Variants in DCHS2 observed in about 807,000 individuals in gnomAD.
DCHS2 encodes the protein protocadherin-23.
A neutral mutation model predicts 182.4 loss-of-function variants in DCHS2; 142 were observed. That is an observed-to-expected ratio of 0.78 (90% CI 0.68 to 0.89). The LOEUF is 0.89. Among genes scored for constraint, DCHS2 ranks in the 40% least tolerant of loss-of-function variants. The pLI, the probability that DCHS2 is intolerant of heterozygous loss-of-function variation, is 0.00. For missense variants in DCHS2, 4,319 were observed against 4,198.6 expected, an observed-to-expected ratio of 1.03 and a Z score of -0.79; for synonymous variants, 1,740 against 1,663.3, an observed-to-expected ratio of 1.05 and a Z score of -1.12.
intron 14 of DCHS2, among the ~76,000 whole-genome samples, chr4:154,266,706 C>G (rs1042528292): frequency 6.6e-6 from 1 of 150,960 alleles, no homozygotes; most frequent in African/African-American, 2.4e-5. Flanking sequence ...AGTGTTGGTA[C>G]AGAGGTTATA....
Position 154,320,492 on chromosome 4 carries a change from G to A in DCHS2, c.4907C>T (p.Ser1636Phe). Residue 1636 changes from serine to phenylalanine, a missense_variant, in exon 9 of 20, where the codon TCC becomes TTC. By Grantham distance (155) the Ser-to-Phe change is radical. Transcript: ENST00000357232. Reference protein sequence around the residue: ...AHVKEDVTVGSLVHHITAHDP... With the variant: ...AHVKEDVTVGFLVHHITAHDP... ...GTGAGCAGTTATGTGGTGGACCAAG[G>A]AGCCCACTGTGACATCCTCTTTGAC... is the stretch of plus-strand genomic sequence containing the variant. 1 of 1,614,084 alleles carries A rather than the reference G, an allele frequency of 6.2e-7. No homozygotes were observed. Among genetic ancestry groups the A allele is most frequent in the Non-Finnish European group, 8.5e-7 (1 of 1,180,000 alleles).
intron 1 of DCHS2, among the ~76,000 whole-genome samples, chr4:154,411,997 A>G (rs759252607): frequency 2.0e-5 from 3 of 152,216 alleles, no homozygotes; most frequent in Admixed American, 1.3e-4. Flanking sequence ...GTTTACTTTC[A>G]GAGGAATAGA....
At chr4:154,300,769 C>T (rs943134566) in intron 12 of DCHS2, among the ~76,000 whole-genome samples, 4 of 151,820 alleles carry the variant, frequency 2.6e-5, no homozygotes, top group South Asian at 2.1e-4. Context: ...AATCTACTTG[C>T]GCAACAAGGG....
rs370530248 is a variant in DCHS2 at position 154,334,785 on chromosome 4, T to C, written c.2713+83A>G. 3.5e-6 allele frequency: 4 copies of C among 1,127,038 alleles called. No homozygotes were observed. In the East Asian group the frequency reaches 7.1e-5, roughly 20 times the overall value. 69.8% of individuals were successfully genotyped at this position (1,127,038 alleles called of 1,614,324 possible). Reference sequence around the variant, plus strand: ...GACTTGCGTGGAAAGAAGAAAAAAATTATTCAAGATTGTACCGCCTACAAA... The same window carrying C: ...GACTTGCGTGGAAAGAAGAAAAAAACTATTCAAGATTGTACCGCCTACAAA... On this transcript the variant is annotated intron_variant, in intron 4 of 19. Coordinates refer to ENST00000357232, the MANE Select transcript of DCHS2 (RefSeq NM_001358235.2).
chr4:154,384,497 C>CA (rs755271007), intron 1 of DCHS2: 2 of 1,561,234 alleles, frequency 1.3e-6, no homozygotes, highest in Non-Finnish European at 1.7e-6. Context: ...TGCTGGCCTC[C>CA]AAAAAACCTC....
At chr4:154,237,892 T>A (rs1731609913) in intron 19 of DCHS2, among the ~76,000 whole-genome samples, 1 of 152,206 alleles carries the variant, frequency 6.6e-6, no homozygotes, top group Non-Finnish European at 1.5e-5. Flanking sequence ...AATATTTGAA[T>A]CAATAGCTTA....
In DCHS2 at chr4:154,370,519, G is replaced by T. The variant is rs1579016540; in HGVS notation, c.2245-4078C>A. On this transcript the variant is annotated intron_variant, in intron 2 of 19. Transcript: ENST00000357232. The stretch of plus-strand genomic sequence containing the variant: ...GTATGCTTATGAGGGTCATCCAAAA[G>T]AGCTTGATAAATTAATGATGCAGGA... Among the ~76,000 whole-genome samples the T allele has an allele frequency of 2.0e-5, 3 of 152,220 alleles. No homozygotes were observed. In the East Asian group the frequency reaches 5.8e-4, roughly 29 times the overall value.
rs1731488457 is a variant in DCHS2, at chr4:154,236,180, GAGATCATGATCATAA to G, written c.8457_8471del (p.Tyr2820_Leu2824del). 1.9e-6 allele frequency: 3 copies of G among 1,613,774 alleles called. No homozygotes were observed. Among genetic ancestry groups the G allele is most frequent in the African/African-American group, 1.3e-5 (1 of 74,906 alleles). ...CCCCTGTCAAAGGGTCAATGAGGAAGAGATCATGATCATAAGACATTCCATGAGTGAGAAAACAGG... is the reference window on the plus strand; with the variant it reads ...CCCCTGTCAAAGGGTCAATGAGGAAGGACATTCCATGAGTGAGAAAACAGG... On this transcript the variant is annotated inframe_deletion, in exon 20 of 20. Coordinates refer to ENST00000357232, the MANE Select transcript of DCHS2 (RefSeq NM_001358235.2).
chr4:154,375,034 A>T (rs536531734), intron 2 of DCHS2, among the ~76,000 whole-genome samples: 2 of 152,156 alleles, frequency 1.3e-5, no homozygotes, highest in Non-Finnish European at 2.9e-5. Flanking sequence ...TGATACCATG[A>T]CCTATGATAA....
chr4:154,377,129 G>A, intron 2 of DCHS2, 124 bp downstream of exon 2: 2 of 901,416 alleles, frequency 2.2e-6, no homozygotes, highest in Non-Finnish European at 3.3e-6. Flanking sequence ...TTCAGCAAAG[G>A]AAAGAGGTAG....
chr4:154,359,319 T>C (rs1730011902), intron 3 of DCHS2, among the ~76,000 whole-genome samples: 1 of 152,016 alleles, frequency 6.6e-6, no homozygotes, highest in South Asian at 2.1e-4. Flanking sequence ...CTAAGTGAAC[T>C]TAAAGATATA....
At chr4:154,378,168 C>T (rs1293443269) in intron 1 of DCHS2, among the ~76,000 whole-genome samples, 3 of 152,072 alleles carry the variant, frequency 2.0e-5, no homozygotes, top group South Asian at 2.1e-4. Context: ...TTTTGCCATA[C>T]GTACCACTTA....
At chr4:154,272,749 G>A (rs1265447721) in intron 13 of DCHS2, among the ~76,000 whole-genome samples, 2 of 152,086 alleles carry the variant, frequency 1.3e-5, no homozygotes, top group Admixed American at 6.6e-5. Context: ...GTGTGAGAAC[G>A]GACTGATAAC....
chr4:154,326,056 A>G (rs550445118), intron 7 of DCHS2, among the ~76,000 whole-genome samples: 8 of 152,332 alleles, frequency 5.3e-5, no homozygotes, highest in South Asian at 2.1e-4. Context: ...CAATGCTTCA[A>G]TGAATATCCT....
chr4:154,290,120 A>C (rs1457910181), intron 13 of DCHS2, among the ~76,000 whole-genome samples: 1 of 152,158 alleles, frequency 6.6e-6, no homozygotes, highest in Non-Finnish European at 1.5e-5. Context: ...TCAACCTACA[A>C]AAATTCATGG....
At chr4:154,344,214 T>C (rs995367617) in intron 3 of DCHS2, among the ~76,000 whole-genome samples, 2 of 152,156 alleles carry the variant, frequency 1.3e-5, no homozygotes, top group African/African-American at 4.8e-5. Flanking sequence ...GGTATAATAA[T>C]AATGAAAAAG....
intron 3 of DCHS2, among the ~76,000 whole-genome samples, chr4:154,354,004 G>A (rs1729742611): frequency 6.6e-6 from 1 of 152,132 alleles, no homozygotes; most frequent in Non-Finnish European, 1.5e-5. Context: ...TCAGCTCACT[G>A]CACCCTCCGC....
Position 154,436,647 on chromosome 4 carries a change from C to T in DCHS2, c.2052+52657G>A, listed in dbSNP as rs575225202. Among the ~76,000 whole-genome samples the T allele has an allele frequency of 4.6e-5, 7 of 152,162 alleles. No individual in the cohort carries two copies. In the South Asian group the frequency reaches 1.0e-3, roughly 23 times the overall value. The stretch of plus-strand genomic sequence containing the variant: ...ATATACTGTAAACATGTATTTGGCT[C>T]GTATACATGAAGTAGGAACCAGCAT... On this transcript the variant is annotated intron_variant, in intron 1 of 19. Coordinates refer to ENST00000357232, the MANE Select transcript of DCHS2 (RefSeq NM_001358235.2).
At chr4:154,443,849 T>C (rs548570877) in intron 1 of DCHS2, among the ~76,000 whole-genome samples, 1 of 152,346 alleles carries the variant, frequency 6.6e-6, no homozygotes, top group East Asian at 1.9e-4. Context: ...CTTCTCTTTA[T>C]ATTCCACTCC....
Sources: allele counts gnomAD v4.1 joint callset (sites outside exome capture counted in the v4.1 genomes callset), GRCh38; gene constraint gnomAD v4.1.1; transcripts MANE v1.5; gene names NCBI Gene and HGNC (gene_info 2026-07-23, HGNC 2026-07-21).